HOOK2: variants seen among roughly 807,000 people sequenced by gnomAD.
HOOK2 encodes the protein protein Hook homolog 2.
A neutral mutation model predicts 111.9 loss-of-function variants in HOOK2; 108 were observed. The observed-to-expected ratio is 0.96, with a 90% confidence interval of 0.83 to 1.13. The LOEUF (loss-of-function observed/expected upper bound fraction) is 1.13, where lower values mean the gene tolerates loss of function less well. Among genes scored for constraint, HOOK2 ranks in the 50% most tolerant of loss-of-function variants. The pLI, the probability that HOOK2 is intolerant of heterozygous loss-of-function variation, is 0.00. For missense variants in HOOK2, 978 were observed against 951.3 expected (o/e 1.03, Z -0.37); for synonymous variants, 405 against 394.3 (o/e 1.03, Z -0.32).
chr19:12,773,231 C>CTTTTTTTTTGTTTT (rs1968390009), intron 3 of HOOK2, 187 bp from the exon 4 acceptor site: 1 of 226,718 alleles, frequency 4.4e-6, no homozygotes, highest in Non-Finnish European at 8.2e-6. Flanking sequence ...ATCTTTGTTT[C>CTTTTTTTTTGTTTT]TTTTTTTTTT....
upstream of HOOK2, among the ~76,000 whole-genome samples, chr19:12,781,565 A>C (rs560794629): frequency 2.3e-4 from 35 of 152,092 alleles, no homozygotes; most frequent in African/African-American, 8.4e-4. Context: ...AGACCTCCTG[A>C]TCCGCCCGCC....
At chr19:12,789,956 G>C (rs964133412) in intron 3 of HOOK2, among the ~76,000 whole-genome samples, 7 of 152,150 alleles carry the variant, frequency 4.6e-5, no homozygotes, top group African/African-American at 1.7e-4. Flanking sequence ...GCCCTAATAT[G>C]GGCGGCGGGG....
intron 3 of HOOK2, among the ~76,000 whole-genome samples, chr19:12,788,823 G>A (rs2145801549): frequency 6.6e-6 from 1 of 152,314 alleles, no homozygotes; most frequent in South Asian, 2.1e-4. Context: ...GTGCCTGCCA[G>A]ACTCACAGGC....
rs375659548 is a variant in HOOK2 at position 12,764,806 on chromosome 19, G to A, written c.1827+8C>T. The A allele has an allele frequency of 3.7e-6, 6 of 1,610,896 alleles. No homozygotes were observed. In the Admixed American group the frequency reaches 6.7e-5, roughly 18 times the overall value. On this transcript the variant is annotated splice_region_variant and intron_variant, in intron 20 of 22. Transcript: ENST00000397668. ...CAGGCAACTTGTGGGAACACCCAGCGTCCTCACCATGCGGGCCTTGTCCAC... is the reference window on the plus strand; with the variant it reads ...CAGGCAACTTGTGGGAACACCCAGCATCCTCACCATGCGGGCCTTGTCCAC...
rs370160350 is a variant in HOOK2 at position 12,770,017 on chromosome 19, T to G, written c.968A>C (p.Glu323Ala). 1.3e-4 allele frequency: 194 copies of G among 1,541,372 alleles called. No individual in the cohort carries two copies. The highest frequency in any genetic ancestry group is 1.5e-4 in the Non-Finnish European group (176 of 1,147,310). Residue 323 changes from glutamate (E) to alanine (A), a missense_variant, in exon 11 of 23, where the codon GAG (glutamate) becomes GCG (alanine). By Grantham distance (107) the Glu-to-Ala change is moderately radical. Coordinates refer to ENST00000397668, the MANE Select transcript of HOOK2 (RefSeq NM_013312.3). ...CACCTGCCGCCGCAGCTCCCTCAGC[T>G]CGCCCAAGCGGCGCCGGCAACTGGT... ...TLTSCRRRLG[E>A]LRELRRQVRQ...
rs1968262321 is a variant in HOOK2 at position 12,769,829 on chromosome 19, G to A, written c.1104+52C>T. 19 of 1,349,128 alleles carry A rather than the reference G, an allele frequency of 1.4e-5. No homozygotes were observed. In the East Asian group the frequency reaches 4.6e-4, roughly 33 times the overall value. The allele number at this position is 1,349,128 out of a possible 1,614,324, so 83.6% of individuals were successfully genotyped here. On this transcript the variant is annotated intron_variant, in intron 11 of 22. Coordinates refer to ENST00000397668, the MANE Select transcript of HOOK2 (RefSeq NM_013312.3). ...TGGGCGGAGGGCTGGCCAACGGTGA[G>A]AGACTTGCTGCCAGGGGCGGGGCCC...
chr19:12,768,838 A>G (rs1232063505), intron 11 of HOOK2, among the ~76,000 whole-genome samples: 1 of 151,484 alleles, frequency 6.6e-6, no homozygotes, highest in Non-Finnish European at 1.5e-5. Context: ...CCCTCTCTCA[A>G]CCAGGCTGGA....
chr19:12,763,161 A>C lies in HOOK2; in HGVS notation c.*121T>G. The C allele has an allele frequency of 1.1e-5, 6 of 542,072 alleles. No homozygotes were observed. Among genetic ancestry groups the C allele is most frequent in the Non-Finnish European group, 9.6e-6 (3 of 311,532 alleles). The allele number at this position is 542,072 out of a possible 1,614,324, so 33.6% of individuals were successfully genotyped here. A position where few individuals can be genotyped will look rare whatever the true frequency, so the allele number is the denominator to read the frequency against. On this transcript the variant is annotated 3_prime_UTR_variant, in exon 23 of 23. Coordinates refer to ENST00000397668, the MANE Select transcript of HOOK2 (RefSeq NM_013312.3). Reference sequence around the variant, plus strand: ...CCCTCCCCACCAATCTGGGAGAGGGAAGAGCAGAGATCATGGCCTCAAAGC... The same window carrying C: ...CCCTCCCCACCAATCTGGGAGAGGGCAGAGCAGAGATCATGGCCTCAAAGC...
chr19:12,791,752 A>G lies in HOOK2; in HGVS notation n.42-17527T>C. The G allele has an allele frequency of 6.3e-7, 1 of 1,577,782 alleles. No homozygotes were observed. The highest frequency in any genetic ancestry group is 2.3e-5 in the East Asian group (1 of 44,288). ...GAGCGGCCCCGCAGGGACCCTCCCC[A>G]GACCGCCTGGGCCGCCCGGATGTGC... is the stretch of plus-strand genomic sequence containing the variant. On this transcript the variant is annotated intron_variant and non_coding_transcript_variant, in intron 3 of 3. Coordinates refer to the HOOK2 transcript ENST00000589765. The surrounding 1 kb of genome is among the most constrained non-coding windows in gnomAD (Gnocchi z 7.0).
At chr19:12,771,831 G>T (rs560346739) in intron 7 of HOOK2, 2 of 337,920 alleles carry the variant, frequency 5.9e-6, no homozygotes, top group Non-Finnish European at 5.5e-6. Flanking sequence ...GCAGTGAGCC[G>T]AGATCGTGCC....
At position 12,771,175 on chromosome 19, in the gene HOOK2, G is replaced by A; in HGVS notation, c.745C>T (p.Gln249Ter). Residue 249 changes from glutamine (Q) to a stop codon, truncating the protein, a stop_gained, in exon 9 of 23, where the codon CAG (glutamine) becomes TAG (stop). Coordinates refer to ENST00000397668, the MANE Select transcript of HOOK2 (RefSeq NM_013312.3). LOFTEE classifies it high-confidence loss of function. Reference protein sequence around the residue: ...LLLQSQLEQLQEENFRLESGR... With the variant: ...LLLQSQLEQL ...TGACCACACCTGAAGTTCTCCTCCT[G>A]CAACTGCTCCAGCTGGGATTGCAGC... 1.2e-6 allele frequency: 2 copies of A among 1,613,580 alleles called. No individual in the cohort carries two copies. Among genetic ancestry groups the A allele is most frequent in the Non-Finnish European group, 1.7e-6 (2 of 1,179,816 alleles).
chr19:12,780,075 G>C (rs1469008578), upstream of HOOK2, among the ~76,000 whole-genome samples: 1 of 152,130 alleles, frequency 6.6e-6, no homozygotes, highest in Admixed American at 6.5e-5. Flanking sequence ...GCTTGAACCT[G>C]GGAGGCAGAG....
At chr19:12,770,138 G>T in intron 10 of HOOK2, 56 bp from the exon 11 acceptor site, 1 of 1,396,002 alleles carries the variant, frequency 7.2e-7, no homozygotes. Flanking sequence ...GGGTCAGCTG[G>T]GATGTGGAGT....
chr19:12,770,890 C>G (rs779747997), intron 10 of HOOK2, 42 bp downstream of exon 10: 3 of 1,563,520 alleles, frequency 1.9e-6, no homozygotes, highest in Non-Finnish European at 2.6e-6. Flanking sequence ...ACAGGTTTAC[C>G]CCCCGCCCCC....
intron 13 of HOOK2, among the ~76,000 whole-genome samples, 164 bp downstream of exon 13, chr19:12,767,652 G>C (rs1207801096): frequency 6.6e-6 from 1 of 152,170 alleles, no homozygotes; most frequent in Non-Finnish European, 1.5e-5. Context: ...GCTCCACCCT[G>C]AGACCCTGAG....
At chr19:12,775,123 C>A in intron 1 of HOOK2, 1 of 934,146 alleles carries the variant, frequency 1.1e-6, no homozygotes, top group Non-Finnish European at 1.3e-6. Flanking sequence ...AGGGTGGTAT[C>A]GCGAGTCACC....
intron 7 of HOOK2, 177 bp downstream of exon 7, chr19:12,772,012 GC>G: frequency 1.6e-6 from 1 of 616,246 alleles, no homozygotes; most frequent in Non-Finnish European, 2.9e-6. Context: ...GATGGGCGTG[GC>G]TTACAGGCTT....
chr19:12,774,235 A>G (rs1968426319), intron 3 of HOOK2: 1 of 210,092 alleles, frequency 4.8e-6, no homozygotes, highest in African/African-American at 2.3e-5. Flanking sequence ...CCTCCCAAGT[A>G]ACTGGGATTA....
rs751496779 is a variant in HOOK2 at position 12,771,011 on chromosome 19, C to G, written c.823G>C (p.Glu275Gln). 7 of 1,612,834 alleles carry G rather than the reference C, an allele frequency of 4.3e-6. No individual in the cohort carries two copies. Among genetic ancestry groups the G allele is most frequent in the Admixed American group, 1.7e-5 (1 of 59,960 alleles). Residue 275 changes from glutamate to glutamine, a missense_variant, in exon 10 of 23, where the codon GAG becomes CAG. By Grantham distance (29) the Glu-to-Gln change is conservative. Coordinates refer to ENST00000397668, the MANE Select transcript of HOOK2 (RefSeq NM_013312.3). ...AGCGCCTGGTTCCGGTGCTGCAGCT[C>G]CGCAACCTCCCTCTCCAGCTCGGCA... Reference protein sequence around the residue: ...RCAELEREVAELQHRNQALTS... With the variant: ...RCAELEREVAQLQHRNQALTS...
Sources: gnomAD v4.1 joint callset for allele counts (sites outside exome capture counted in the v4.1 genomes callset) on GRCh38, gnomAD v4.1.1 for gene constraint, Gnocchi (gnomAD v3.1) non-coding constraint, MANE v1.5 for transcripts, NCBI Gene and HGNC (gene_info 2026-07-23, HGNC 2026-07-21) for gene names.